ZCWPW2: variants seen among roughly 807,000 people sequenced by gnomAD.
ZCWPW2 encodes the protein zinc finger CW-type PWWP domain protein 2.
Under a neutral mutation model 46.6 loss-of-function variants are expected in ZCWPW2, and 45 were observed. The observed-to-expected ratio is 0.96, with a 90% CI of 0.76 to 1.24. The LOEUF is 1.24. Among genes scored for constraint, ZCWPW2 ranks in the 50% most tolerant of loss-of-function variants. The probability of loss-of-function intolerance (pLI) is 0.00; values close to 1 mark genes in which losing one functional copy is unlikely to be tolerated. For synonymous variants in ZCWPW2, 152 were observed against 137.1 expected, an observed-to-expected ratio of 1.11 and a Z score of -0.76; for missense variants, 429 against 403.9, an observed-to-expected ratio of 1.06 and a Z score of -0.53.
At chr3:28,428,135 T>C (rs1326400736) in intron 3 of ZCWPW2, 1 of 152,316 alleles carries the variant, frequency 6.6e-6, no homozygotes, top group Non-Finnish European at 1.5e-5. Context: ...AGTTTGCTCT[T>C]AAGGACAGCC....
At chr3:28,486,948 C>G (rs531317440) in intron 5 of ZCWPW2, among the ~76,000 whole-genome samples, 1 of 150,622 alleles carries the variant, frequency 6.6e-6, no homozygotes, top group Non-Finnish European at 1.5e-5. Flanking sequence ...TTGTTCAACT[C>G]TTTTATCGAT....
intron 4 of ZCWPW2, among the ~76,000 whole-genome samples, chr3:28,451,912 A>T (rs57431431): frequency 6.6e-6 from 1 of 152,182 alleles, no homozygotes; most frequent in Non-Finnish European, 1.5e-5. Context: ...ACAGCTACCA[A>T]ATTCTCAGCA....
chr3:28,349,820 A>G (rs949451515), intron 1 of ZCWPW2, among the ~76,000 whole-genome samples: 8 of 152,168 alleles, frequency 5.3e-5, no homozygotes, highest in Non-Finnish European at 1.2e-4. Context: ...TTAAAGTAGT[A>G]TTTTGTCATC....
intron 4 of ZCWPW2, among the ~76,000 whole-genome samples, chr3:28,475,532 T>A (rs530911916): frequency 1.3e-5 from 2 of 152,340 alleles, no homozygotes; most frequent in East Asian, 3.9e-4. Flanking sequence ...TCTGCCATGG[T>A]GCCATTTTCA....
At chr3:28,455,967 G>A (rs374129229) in intron 4 of ZCWPW2, among the ~76,000 whole-genome samples, 1 of 152,052 alleles carries the variant, frequency 6.6e-6, no homozygotes, top group East Asian at 1.9e-4. Flanking sequence ...GGTTATTCAG[G>A]CTCTTTTTCA....
At chr3:28,471,515 T>C (rs1699040826) in intron 4 of ZCWPW2, among the ~76,000 whole-genome samples, 1 of 152,194 alleles carries the variant, frequency 6.6e-6, no homozygotes, top group African/African-American at 2.4e-5. Flanking sequence ...ATCATCTCAA[T>C]TGATGCTAAA....
chr3:28,417,648 A>G (rs1467857533), intron 3 of ZCWPW2, among the ~76,000 whole-genome samples: 1 of 134,660 alleles, frequency 7.4e-6, no homozygotes, highest in African/African-American at 2.9e-5. Flanking sequence ...CCAGCAGCAC[A>G]TCAAAAAGCT....
intron 5 of ZCWPW2, 90 bp from the exon 6 acceptor site, chr3:28,492,037 A>G: frequency 7.8e-7 from 1 of 1,289,052 alleles, no homozygotes; most frequent in Non-Finnish European, 1.1e-6. Flanking sequence ...AGTAATGAGA[A>G]AGTAGAAAAT....
chr3:28,402,159 A>G (rs1695971044), intron 2 of ZCWPW2, among the ~76,000 whole-genome samples: 1 of 152,180 alleles, frequency 6.6e-6, no homozygotes, highest in African/African-American at 2.4e-5. Context: ...AAAGATAAAT[A>G]AAACTTTTAG....
chr3:28,460,919 C>A, intron 4 of ZCWPW2: 1 of 204,012 alleles, frequency 4.9e-6, no homozygotes, highest in South Asian at 6.2e-5. Context: ...GGTTTTTAAA[C>A]ATTTAGTGGT....
chr3:28,469,742 T>C (rs1698969068), intron 4 of ZCWPW2, among the ~76,000 whole-genome samples: 1 of 151,572 alleles, frequency 6.6e-6, no homozygotes, highest in Non-Finnish European at 1.5e-5. Flanking sequence ...TATGTATATA[T>C]ATATGCACCC....
intron 2 of ZCWPW2, among the ~76,000 whole-genome samples, chr3:28,411,548 T>C (rs1464673833): frequency 6.6e-6 from 1 of 151,964 alleles, no homozygotes; most frequent in Non-Finnish European, 1.5e-5. Context: ...ATATGAATAT[T>C]GGAACTAAAC....
At chr3:28,497,310 A>G (rs1468650381) in intron 6 of ZCWPW2, among the ~76,000 whole-genome samples, 2 of 151,704 alleles carry the variant, frequency 1.3e-5, no homozygotes, top group African/African-American at 4.8e-5. Context: ...ATGAGATCTT[A>G]TTATATATGT....
intron 1 of ZCWPW2, among the ~76,000 whole-genome samples, chr3:28,356,246 GA>G (rs1351213384): frequency 2.0e-5 from 3 of 152,254 alleles, no homozygotes; most frequent in African/African-American, 7.2e-5. Context: ...AGGACACATG[GA>G]AAAATGCTCA....
chr3:28,397,382 T>C (rs953780839), intron 2 of ZCWPW2, among the ~76,000 whole-genome samples: 3 of 151,468 alleles, frequency 2.0e-5, no homozygotes, highest in Non-Finnish European at 2.9e-5. Flanking sequence ...AAAAATAACA[T>C]GTATGGGCTG....
chr3:28,389,514 A>G (rs954659993), intron 1 of ZCWPW2, among the ~76,000 whole-genome samples: 1 of 152,218 alleles, frequency 6.6e-6, no homozygotes, highest in Non-Finnish European at 1.5e-5. Flanking sequence ...TTGCCATATC[A>G]TGCCATGGAC....
chr3:28,474,354 A>C (rs776845506), intron 4 of ZCWPW2, among the ~76,000 whole-genome samples: 1 of 152,162 alleles, frequency 6.6e-6, no homozygotes, highest in Non-Finnish European at 1.5e-5. Flanking sequence ...CTGTAATTTT[A>C]TGTCTTGGAA....
intron 8 of ZCWPW2, among the ~76,000 whole-genome samples, chr3:28,517,911 G>A (rs924197970): frequency 2.6e-5 from 4 of 152,086 alleles, no homozygotes; most frequent in Non-Finnish European, 5.9e-5. Flanking sequence ...AGAGGCAGGT[G>A]GATCACCTGA....
intron 4 of ZCWPW2, chr3:28,478,204 C>A: frequency 5.1e-6 from 1 of 197,424 alleles, no homozygotes; most frequent in South Asian, 6.4e-5. Context: ...TTAATATCTG[C>A]TGTAACACTA....
Sources: gnomAD v4.1 joint callset for allele counts (sites outside exome capture counted in the v4.1 genomes callset) on GRCh38, gnomAD v4.1.1 for gene constraint, MANE v1.5 for transcripts, NCBI Gene and HGNC (gene_info 2026-07-23, HGNC 2026-07-21) for gene names.